CMTM8: variants seen among roughly 807,000 people sequenced by gnomAD.
The protein encoded by CMTM8 is CKLF like MARVEL transmembrane domain containing 8.
Under a neutral mutation model 18.6 loss-of-function variants are expected in CMTM8, and 12 were observed. The observed-to-expected ratio is 0.65, with a 90% CI of 0.41 to 1.05. The LOEUF is 1.05. Among genes scored for constraint, CMTM8 ranks in the 50% least tolerant of loss-of-function variants. The pLI, the probability that CMTM8 is intolerant of heterozygous loss-of-function variation, is 0.00. For synonymous variants in CMTM8, 87 were observed against 90.6 expected (o/e 0.96, Z 0.23); for missense variants, 217 against 227.2 (o/e 0.95, Z 0.29).
At chr3:32,260,467 A>G (rs776749918) in intron 1 of CMTM8, among the ~76,000 whole-genome samples, 3 of 152,192 alleles carry the variant, frequency 2.0e-5, no homozygotes, top group Non-Finnish European at 4.4e-5. Context: ...AGTTGTCCCA[A>G]CATTTCATAT....
chr3:32,274,505 A>C (rs1213341299), intron 1 of CMTM8, among the ~76,000 whole-genome samples: 1 of 152,110 alleles, frequency 6.6e-6, no homozygotes, highest in Non-Finnish European at 1.5e-5. Context: ...ATCCTGCTTC[A>C]TCCTTCCTCC....
At position 32,292,629 on chromosome 3, in the gene CMTM8, C is replaced by T. The variant is rs573119825; in HGVS notation, c.147+53510C>T. ...TGGATAAACAAAGGATACTGTTTAT[C>T]CTTTAGGCCCGGATTTCTCAACCTG... On this transcript the variant is annotated intron_variant, in intron 1 of 3. Coordinates refer to ENST00000307526, the MANE Select transcript of CMTM8 (RefSeq NM_178868.5). Among the ~76,000 whole-genome samples the T allele has an allele frequency of 8.3e-4, 126 of 152,154 alleles. 2 individuals are homozygous for T. The highest frequency in any genetic ancestry group is 2.7e-3 in the African/African-American group (113 of 41,476).
intron 1 of CMTM8, chr3:32,260,068 C>A: frequency 9.1e-7 from 1 of 1,098,066 alleles, no homozygotes; most frequent in Non-Finnish European, 1.4e-6. Context: ...AGGCTGAGAT[C>A]GCCAGCTACC....
chr3:32,241,587 G>A (rs998079639), intron 1 of CMTM8, among the ~76,000 whole-genome samples: 3 of 152,210 alleles, frequency 2.0e-5, no homozygotes, highest in South Asian at 2.1e-4. Context: ...TTCTGAGCAC[G>A]TTTAAGATAG....
intron 1 of CMTM8, among the ~76,000 whole-genome samples, chr3:32,266,128 A>G (rs1167226462): frequency 6.6e-6 from 1 of 152,234 alleles, no homozygotes; most frequent in Non-Finnish European, 1.5e-5. Flanking sequence ...TCCTGATACC[A>G]AAGCCTGGCA....
At chr3:32,290,598 C>A (rs139356370) in intron 1 of CMTM8, among the ~76,000 whole-genome samples, 6 of 152,348 alleles carry the variant, frequency 3.9e-5, no homozygotes, top group Admixed American at 2.0e-4. Context: ...GCTGCTGTTT[C>A]TCAGGCTAGG....
At chr3:32,254,052 C>T (rs1386781191) in intron 1 of CMTM8, among the ~76,000 whole-genome samples, 8 of 152,090 alleles carry the variant, frequency 5.3e-5, no homozygotes, top group Admixed American at 5.2e-4. Flanking sequence ...CACCACCATG[C>T]CCAGCTAATT....
intron 1 of CMTM8, among the ~76,000 whole-genome samples, chr3:32,242,491 G>T (rs1355243709): frequency 6.6e-6 from 1 of 151,906 alleles, no homozygotes; most frequent in Non-Finnish European, 1.5e-5. Flanking sequence ...CCTGGTGGAT[G>T]ATTTTTTTGT....
chr3:32,329,609 G>A (rs1696231740), intron 1 of CMTM8, among the ~76,000 whole-genome samples: 1 of 152,198 alleles, frequency 6.6e-6, no homozygotes, highest in Admixed American at 6.5e-5. Context: ...TGGAATAGAA[G>A]GAAATTACCT....
intron 1 of CMTM8, among the ~76,000 whole-genome samples, chr3:32,271,959 C>G (rs1702445269): frequency 6.6e-6 from 1 of 152,198 alleles, no homozygotes; most frequent in Admixed American, 6.5e-5. Context: ...ACATAGTCAA[C>G]AATTTAGCTT....
chr3:32,319,491 G>A (rs181493503), intron 1 of CMTM8, among the ~76,000 whole-genome samples: 10 of 151,794 alleles, frequency 6.6e-5, no homozygotes, highest in African/African-American at 2.2e-4. Flanking sequence ...AAAATCTGCC[G>A]TGCTAGGTTA....
chr3:32,324,180 T>C (rs927449620), intron 1 of CMTM8, among the ~76,000 whole-genome samples: 3 of 152,220 alleles, frequency 2.0e-5, no homozygotes, highest in African/African-American at 7.2e-5. Flanking sequence ...TTTAATTTCA[T>C]TGGTGGTTTG....
At chr3:32,369,178 G>T (rs1008863261) in intron 3 of CMTM8, among the ~76,000 whole-genome samples, 1 of 152,008 alleles carries the variant, frequency 6.6e-6, no homozygotes, top group Non-Finnish European at 1.5e-5. Context: ...GCCGGGGGTG[G>T]TGGCGGGCAC....
intron 1 of CMTM8, among the ~76,000 whole-genome samples, chr3:32,277,748 C>G (rs754144932): frequency 6.6e-6 from 1 of 152,098 alleles, no homozygotes; most frequent in Non-Finnish European, 1.5e-5. Flanking sequence ...GAATTAGTTG[C>G]CAGTAAGTAA....
chr3:32,300,911 G>C (rs1478647629), intron 1 of CMTM8, among the ~76,000 whole-genome samples: 2 of 149,324 alleles, frequency 1.3e-5, no homozygotes, highest in Non-Finnish European at 3.0e-5. Flanking sequence ...GGTGAGCCGA[G>C]ATTTTGCCAT....
At chr3:32,319,222 G>T (rs1194650470) in intron 1 of CMTM8, among the ~76,000 whole-genome samples, 2 of 150,248 alleles carry the variant, frequency 1.3e-5, no homozygotes, top group Admixed American at 6.6e-5. Flanking sequence ...GGGCTTACAG[G>T]CACCCACCAC....
chr3:32,351,869 AATCT>A (rs1490246037), intron 1 of CMTM8, among the ~76,000 whole-genome samples: 2 of 152,022 alleles, frequency 1.3e-5, no homozygotes, highest in Non-Finnish European at 2.9e-5. Flanking sequence ...GACTTTTAAA[AATCT>A]ATCAGGCCAG....
At chr3:32,264,323 A>T (rs1188375174) in intron 1 of CMTM8, among the ~76,000 whole-genome samples, 5 of 152,194 alleles carry the variant, frequency 3.3e-5, no homozygotes, top group Admixed American at 6.5e-5. Context: ...AGAATTTTTA[A>T]CCCAGAATTT....
chr3:32,350,356 A>T (rs1374928140), intron 1 of CMTM8, among the ~76,000 whole-genome samples: 6 of 146,732 alleles, frequency 4.1e-5, no homozygotes, highest in Non-Finnish European at 9.0e-5. Flanking sequence ...TATGTGTTCT[A>T]AGCTTTTTTT....
Sources: gnomAD v4.1 joint callset for allele counts (sites outside exome capture counted in the v4.1 genomes callset) on GRCh38, gnomAD v4.1.1 for gene constraint, MANE v1.5 for transcripts, NCBI Gene and HGNC (gene_info 2026-07-23, HGNC 2026-07-21) for gene names.